DELE1: variants seen among roughly 807,000 people sequenced by gnomAD.
The protein encoded by DELE1 is death ligand signal enhancer.
A neutral mutation model predicts 59.3 loss-of-function variants in DELE1; 54 were observed. The ratio of observed to expected loss-of-function variants is 0.91; its 90% CI spans 0.73 to 1.14. The LOEUF is 1.14. DELE1 is among the 50% of genes most tolerant of loss of function. DELE1 has a pLI of 0.00. For synonymous variants in DELE1, 264 were observed against 259.1 expected (o/e 1.02, Z -0.18); for missense variants, 636 against 643.9 (o/e 0.99, Z 0.13).
At chr5:141,926,871 C>T (rs1561508733) in intron 3 of DELE1, among the ~76,000 whole-genome samples, 1 of 152,266 alleles carries the variant, frequency 6.6e-6, no homozygotes. Context: ...TCCCTGTGCT[C>T]TGTCACTACT....
rs1172381549 is a variant in DELE1 at position 141,937,770 on chromosome 5, CAA to C, written c.1309+432_1309+433del. 2.3e-3 allele frequency among the ~76,000 whole-genome samples: 138 copies of C among 61,268 alleles called. 3 individuals carry two copies. Among genetic ancestry groups the C allele is most frequent in the East Asian group, 0.012 (29 of 2,408 alleles). The allele number at this position is 61,268 out of a possible 152,430, so 40.2% of individuals were successfully genotyped here. A position where few individuals can be genotyped will look rare whatever the true frequency, so the allele number is the denominator to read the frequency against. On this transcript the variant is annotated intron_variant, in intron 11 of 11. Transcript: ENST00000432126. ...TGGGTGACAGAGCAAGATTCTGTTTCAAAAAAAAAAAAAAAAAAAAGAATGCA... is the reference window on the plus strand; with the variant it reads ...TGGGTGACAGAGCAAGATTCTGTTTCAAAAAAAAAAAAAAAAAAGAATGCA...
rs1348720806 is a variant in DELE1 at position 141,929,574 on chromosome 5, C to T, written c.413-8C>T. On this transcript the variant is annotated splice_region_variant and splice_polypyrimidine_tract_variant and intron_variant, in intron 4 of 11. Transcript: ENST00000432126. ...CCAGACCTGACTACTCTTGCTGGCT[C>T]TTTCCAGCACTGCGACAACACATCC... is the stretch of plus-strand genomic sequence containing the variant. 4 of 1,612,644 alleles carry T rather than the reference C, an allele frequency of 2.5e-6. No homozygotes were observed. Among genetic ancestry groups the T allele is most frequent in the Non-Finnish European group, 3.4e-6 (4 of 1,179,578 alleles).
Position 141,930,256 on chromosome 5 carries a change from A to G in DELE1, c.736A>G (p.Ile246Val). Residue 246 changes from isoleucine (I) to valine (V), a missense_variant, in exon 7 of 12, where the codon ATC becomes GTC. Transcript: ENST00000432126. ...GCAGCTCTTCCAGCTCAGTGTTTCC[A>G]TCGCTTTCAACTTCCTGGGTAACCA... ...IQQLFQLSVS[I>V]AFNFLGTENM... is the part of the protein sequence containing the mutation. The G allele has an allele frequency of 6.2e-7, 1 of 1,613,680 alleles. No individual in the cohort carries two copies. Among genetic ancestry groups the G allele is most frequent in the Non-Finnish European group, 8.5e-7 (1 of 1,179,608 alleles).
Position 141,933,412 on chromosome 5 carries a change from G to A in DELE1, c.897+11G>A. On this transcript the variant is annotated intron_variant, in intron 8 of 11. Transcript: ENST00000432126. ...AGGGACATTAGCAAGGTATTCCCCT[G>A]CCCCCAAGCCTGCCTTCTGTGCTGG... 1 of 1,457,938 alleles carries A rather than the reference G, an allele frequency of 6.9e-7. No homozygotes were observed. The highest frequency in any genetic ancestry group is 9.2e-7 in the Non-Finnish European group (1 of 1,081,270). 90.3% of individuals were successfully genotyped at this position (1,457,938 alleles called of 1,614,324 possible). A position where few individuals can be genotyped will look rare whatever the true frequency, so the allele number is the denominator to read the frequency against.
chr5:141,941,650 A>G lies in DELE1; in HGVS notation c.*2891A>G, dbSNP rs1414942855. The G allele has an allele frequency of 1.0e-6, 1 of 985,158 alleles. No individual in the cohort carries two copies. Among genetic ancestry groups the G allele is most frequent in the African/African-American group, 1.7e-5 (1 of 57,170 alleles). 61.0% of individuals were successfully genotyped at this position (985,158 alleles called of 1,614,324 possible). A position where few individuals can be genotyped will look rare whatever the true frequency, so the allele number is the denominator to read the frequency against. ...AAAGCCCGGCGCCCTCACCAATGAG[A>G]CCTTTGTGGGAAGCTCTACTGCCTC... On this transcript the variant is annotated 3_prime_UTR_variant, in exon 12 of 12. Coordinates refer to ENST00000432126, the MANE Select transcript of DELE1 (RefSeq NM_014773.5).
chr5:141,933,502 C>A, intron 8 of DELE1, 101 bp downstream of exon 8: 1 of 928,002 alleles, frequency 1.1e-6, no homozygotes, highest in Non-Finnish European at 1.5e-6. Flanking sequence ...GGCTTCTTTT[C>A]TCCACTTGGT....
In DELE1 at chr5:141,927,796, T is replaced by C. The variant is rs998056847; in HGVS notation, c.265-355T>C. ...TTTTTGCCTGCTTAGTCTTCGCTTA[T>C]TTAGTCACTTGATCAAGCATTTATT... On this transcript the variant is annotated intron_variant, in intron 3 of 11. Coordinates refer to ENST00000432126, the MANE Select transcript of DELE1 (RefSeq NM_014773.5). Among the ~76,000 whole-genome samples, 3 of 152,188 alleles carry C rather than the reference T, an allele frequency of 2.0e-5. No individual in the cohort carries two copies. In the South Asian group the frequency reaches 6.2e-4, roughly 32 times the overall value.
At chr5:141,937,870 G>A (rs1382000897) in intron 11 of DELE1, among the ~76,000 whole-genome samples, 1 of 150,374 alleles carries the variant, frequency 6.7e-6, no homozygotes, top group Non-Finnish European at 1.5e-5. Flanking sequence ...CGTTGCCCAG[G>A]CTGGAGTGCA....
Position 141,939,139 on chromosome 5 carries a change from A to G in DELE1, c.*380A>G, listed in dbSNP as rs761781507. On this transcript the variant is annotated 3_prime_UTR_variant, in exon 12 of 12. Transcript: ENST00000432126. ...CTTAAATCTGTACTACTGTTTGCCAATGTCTGATGTGTGTATCCCTGGTTC... is the reference window on the plus strand; with the variant it reads ...CTTAAATCTGTACTACTGTTTGCCAGTGTCTGATGTGTGTATCCCTGGTTC... 2.1e-4 allele frequency: 213 copies of G among 998,540 alleles called. No individual in the cohort carries two copies. Among genetic ancestry groups the G allele is most frequent in the Middle Eastern group, 1.0e-3 (2 of 1,976 alleles). 61.9% of individuals were successfully genotyped at this position (998,540 alleles called of 1,614,324 possible).
chr5:141,926,113 C>T (rs1292986537), intron 3 of DELE1, among the ~76,000 whole-genome samples: 2 of 152,074 alleles, frequency 1.3e-5, no homozygotes, highest in African/African-American at 2.4e-5. Context: ...CTCCTGATCT[C>T]GTGACCCACC....
In DELE1 at chr5:141,940,362, C is replaced by T. The variant is rs1005794215; in HGVS notation, c.*1603C>T. The T allele has an allele frequency of 4.2e-5, 41 of 985,330 alleles. No homozygotes were observed. The highest frequency in any genetic ancestry group is 7.2e-6 in the Non-Finnish European group (6 of 829,964). The allele number at this position is 985,330 out of a possible 1,614,324, so 61.0% of individuals were successfully genotyped here. Reference sequence around the variant, plus strand: ...GAATTTGTGAATAGCTATTCCCTGGCTTCTGGATGTTAGCCCAAGTTGAAT... The same window carrying T: ...GAATTTGTGAATAGCTATTCCCTGGTTTCTGGATGTTAGCCCAAGTTGAAT... On this transcript the variant is annotated 3_prime_UTR_variant, in exon 12 of 12. Transcript: ENST00000432126.
intron 10 of DELE1, chr5:141,936,773 C>T: frequency 1.5e-6 from 1 of 655,806 alleles, no homozygotes; most frequent in Non-Finnish European, 1.9e-6. Context: ...CCTTTTCTGT[C>T]AGCCCTCCCA....
At chr5:141,929,520 G>T in intron 4 of DELE1, 62 bp from the exon 5 acceptor site, 1 of 1,572,644 alleles carries the variant, frequency 6.4e-7, no homozygotes, top group South Asian at 1.2e-5. Flanking sequence ...AAGGTGCTGT[G>T]ATTATAGGTG....
At chr5:141,937,079 G>T in intron 10 of DELE1, 119 bp from the exon 11 acceptor site, 3 of 1,549,984 alleles carry the variant, frequency 1.9e-6, no homozygotes, top group South Asian at 2.5e-5. Flanking sequence ...CCAGGACTGG[G>T]CCTTGACCGT....
At position 141,938,733 on chromosome 5, in the gene DELE1, A is replaced by T; in HGVS notation, c.1522A>T (p.Ser508Cys). The part of the protein sequence containing the change: ...IPPHPYPLER[S>C]VVRLGFG ...CCCACACCCCTACCCACTGGAAAGG[A>T]GTGTTGTAAGACTAGGTTTTGGCTA... is the stretch of plus-strand genomic sequence containing the variant. Residue 508 changes from serine (S) to cysteine (C), a missense_variant, in exon 12 of 12, where the codon AGT becomes TGT. By Grantham distance (112) the Ser-to-Cys change is moderately radical (BLOSUM62 -1). Transcript: ENST00000432126. 1 of 1,613,658 alleles carries T rather than the reference A, an allele frequency of 6.2e-7. No homozygotes were observed. Among genetic ancestry groups the T allele is most frequent in the East Asian group, 2.2e-5 (1 of 44,856 alleles).
chr5:141,936,946 A>G lies in DELE1; in HGVS notation c.1150-252A>G, dbSNP rs532786743. The G allele has an allele frequency of 3.1e-6, 4 of 1,287,000 alleles. No homozygotes were observed. The Admixed American group carries it at 9.6e-5, about 31-fold the overall frequency. 79.7% of individuals were successfully genotyped at this position (1,287,000 alleles called of 1,614,324 possible). A position where few individuals can be genotyped will look rare whatever the true frequency, so the allele number is the denominator to read the frequency against. ...TGCATGCTTTCAGCCAGCCTATGCA[A>G]GAGAAGCCTCCACACTGCCCTGGCT... On this transcript the variant is annotated intron_variant, in intron 10 of 11. Transcript: ENST00000432126.
At position 141,934,280 on chromosome 5, in the gene DELE1, G is replaced by A; in HGVS notation, c.938G>A (p.Ser313Asn). The part of the protein sequence containing the change: ...YYQLAASQGH[S>N]LAQYRYARCL... ...CAGTTGGCTGCCAGCCAGGGCCACA[G>A]CCTGGCTCAGTACCGCTATGCCAGG... Residue 313 changes from serine (S) to asparagine (N), a missense_variant, in exon 9 of 12, where the codon AGC (serine) becomes AAC (asparagine). Physicochemically the swap from Ser to Asn is conservative, Grantham distance 46. Coordinates refer to ENST00000432126, the MANE Select transcript of DELE1 (RefSeq NM_014773.5). The A allele has an allele frequency of 6.2e-7, 1 of 1,613,732 alleles. No homozygotes were observed. The highest frequency in any genetic ancestry group is 8.5e-7 in the Non-Finnish European group (1 of 1,179,874).
At position 141,940,876 on chromosome 5, in the gene DELE1, A is replaced by C. The variant is rs1006015468; in HGVS notation, c.*2117A>C. The C allele has an allele frequency of 5.1e-6, 5 of 985,284 alleles. No homozygotes were observed. The African/African-American group carries it at 5.2e-5, about 10-fold the overall frequency. The allele number at this position is 985,284 out of a possible 1,614,324, so 61.0% of individuals were successfully genotyped here. A position where few individuals can be genotyped will look rare whatever the true frequency, so the allele number is the denominator to read the frequency against. ...AGCTCTCTGCCAAAAAACAAACAAA[A>C]AAAGGTTTCTGTGGTTAAATAAGTT... On this transcript the variant is annotated 3_prime_UTR_variant, in exon 12 of 12. Transcript: ENST00000432126.
chr5:141,924,009 C>T lies in DELE1; in HGVS notation c.31+37C>T, dbSNP rs371352072. ...CCAAGCAACCAGCGTCACTCTGGGC[C>T]GCAAAGACCGAACTGGAGTGGGGGC... On this transcript the variant is annotated intron_variant, in intron 1 of 11. Transcript: ENST00000432126. The T allele has an allele frequency of 1.6e-5, 25 of 1,599,840 alleles. No homozygotes were observed. In the African/African-American group the frequency reaches 2.8e-4, roughly 18 times the overall value.
Sources: gnomAD v4.1 joint callset for allele counts (sites outside exome capture counted in the v4.1 genomes callset) on GRCh38, gnomAD v4.1.1 for gene constraint, MANE v1.5 for transcripts, NCBI Gene and HGNC (gene_info 2026-07-23, HGNC 2026-07-21) for gene names.